SNTB1: variants seen among roughly 807,000 people sequenced by gnomAD.
SNTB1 encodes beta-1-syntrophin.
A neutral mutation model predicts 48.9 loss-of-function variants in SNTB1; 36 were observed. The ratio of observed to expected loss-of-function variants is 0.74; its 90% confidence interval spans 0.56 to 0.97. The LOEUF (loss-of-function observed/expected upper bound fraction) is 0.97, where lower values mean the gene tolerates loss of function less well. SNTB1 is among the 50% of genes least tolerant of loss of function. The pLI, the probability that SNTB1 is intolerant of heterozygous loss-of-function variation, is 0.00. For synonymous variants in SNTB1, 299 were observed against 294.6 expected, an observed-to-expected ratio of 1.01 and a Z score of -0.15; for missense variants, 786 against 703.4, an observed-to-expected ratio of 1.12 and a Z score of -1.33.
At chr8:120,783,213 C>CA (rs778944060) in intron 1 of SNTB1, among the ~76,000 whole-genome samples, 8 of 152,144 alleles carry the variant, frequency 5.3e-5, no homozygotes, top group Non-Finnish European at 1.2e-4. Context: ...CACTACTTCT[C>CA]ACTCTCAGTT....
intron 2 of SNTB1, among the ~76,000 whole-genome samples, chr8:120,681,488 G>A (rs922653605): frequency 5.3e-5 from 8 of 152,178 alleles, no homozygotes; most frequent in Non-Finnish European, 1.0e-4. Context: ...CATGGGCTCA[G>A]AACCTCCAGA....
At chr8:120,739,139 A>T (rs1398348294) in intron 1 of SNTB1, among the ~76,000 whole-genome samples, 1 of 152,228 alleles carries the variant, frequency 6.6e-6, no homozygotes, top group Non-Finnish European at 1.5e-5. Flanking sequence ...TAGTAATTTC[A>T]AGAGAAAACA....
chr8:120,604,000 T>C (rs1425512885), intron 3 of SNTB1, among the ~76,000 whole-genome samples: 1 of 152,098 alleles, frequency 6.6e-6, no homozygotes, highest in Non-Finnish European at 1.5e-5. Context: ...AATCCTGCTC[T>C]TCCAGGGTTC....
In SNTB1 at chr8:120,770,157, G is replaced by A. The variant is rs549829415; in HGVS notation, c.571+41116C>T. 3.8e-4 allele frequency among the ~76,000 whole-genome samples: 58 copies of A among 152,288 alleles called. No individual in the cohort carries two copies. In the South Asian group the frequency reaches 0.012, roughly 32 times the overall value. ...TATGCTGATAGCTACTTCAACATCT[G>A]ACTCCACAGTAGTCATGACTGTGAT... On this transcript the variant is annotated intron_variant, in intron 1 of 6. Transcript: ENST00000517992.
At chr8:120,752,166 G>T (rs564188881) in intron 1 of SNTB1, among the ~76,000 whole-genome samples, 1 of 152,172 alleles carries the variant, frequency 6.6e-6, no homozygotes, top group East Asian at 1.9e-4. Context: ...GGTTCATTAG[G>T]CCAAAAGGGA....
At chr8:120,738,250 TTTG>T (rs1243560167) in intron 1 of SNTB1, among the ~76,000 whole-genome samples, 16 of 152,148 alleles carry the variant, frequency 1.1e-4, no homozygotes, top group African/African-American at 3.9e-4. Flanking sequence ...GAAACAAATT[TTTG>T]TTGTATATAA....
intron 2 of SNTB1, among the ~76,000 whole-genome samples, chr8:120,640,804 A>G (rs1434826349): frequency 6.6e-6 from 1 of 152,150 alleles, no homozygotes; most frequent in Non-Finnish European, 1.5e-5. Context: ...GGATTTTTGC[A>G]TCATTGTTCA....
chr8:120,538,584 TG>T lies in SNTB1; in HGVS notation c.*292del. ...CATGCTGTTCTAATGGTCATGTCCT[TG>T]GTTGTCATTATTTCAAAGCTATGCT... is the stretch of plus-strand genomic sequence containing the variant. On this transcript the variant is annotated 3_prime_UTR_variant, in exon 7 of 7. Coordinates refer to ENST00000517992, the MANE Select transcript of SNTB1 (RefSeq NM_021021.4). 2 of 488,950 alleles carry T rather than the reference TG, an allele frequency of 4.1e-6. No individual in the cohort carries two copies. The highest frequency in any genetic ancestry group is 8.1e-6 in the Non-Finnish European group (2 of 247,646). The allele number at this position is 488,950 out of a possible 1,614,324, so 30.3% of individuals were successfully genotyped here. A position where few individuals can be genotyped will look rare whatever the true frequency, so the allele number is the denominator to read the frequency against.
chr8:120,703,437 T>C (rs1374744929), intron 1 of SNTB1, among the ~76,000 whole-genome samples: 1 of 152,148 alleles, frequency 6.6e-6, no homozygotes, highest in Non-Finnish European at 1.5e-5. Flanking sequence ...TTTCTCAGAG[T>C]TGTTCTCTAG....
intron 3 of SNTB1, among the ~76,000 whole-genome samples, chr8:120,606,133 A>T (rs1816512426): frequency 6.7e-6 from 1 of 150,130 alleles, no homozygotes; most frequent in African/African-American, 2.4e-5. Context: ...ATCTTAAAGT[A>T]ATAGCTATTA....
intron 2 of SNTB1, among the ~76,000 whole-genome samples, chr8:120,667,703 T>C (rs946467079): frequency 6.6e-6 from 1 of 152,160 alleles, no homozygotes; most frequent in Non-Finnish European, 1.5e-5. Context: ...TTTTACCTTA[T>C]TGAAGGTTGG....
chr8:120,719,345 A>G (rs1818615367), intron 1 of SNTB1, among the ~76,000 whole-genome samples: 1 of 152,086 alleles, frequency 6.6e-6, no homozygotes, highest in African/African-American at 2.4e-5. Flanking sequence ...CTGCCCTAAA[A>G]CATTGGACTT....
At chr8:120,729,972 G>A (rs79816235) in intron 1 of SNTB1, among the ~76,000 whole-genome samples, 5 of 152,050 alleles carry the variant, frequency 3.3e-5, no homozygotes, top group African/African-American at 1.2e-4. Flanking sequence ...CAAACACAGA[G>A]CCTGCGAAAG....
At chr8:120,770,005 C>T (rs1441712353) in intron 1 of SNTB1, among the ~76,000 whole-genome samples, 1 of 152,194 alleles carries the variant, frequency 6.6e-6, no homozygotes, top group African/African-American at 2.4e-5. Context: ...GTTCTCTCTG[C>T]TACACGTAGT....
chr8:120,777,056 A>G (rs1238831324), intron 1 of SNTB1, among the ~76,000 whole-genome samples: 1 of 152,210 alleles, frequency 6.6e-6, no homozygotes, highest in Non-Finnish European at 1.5e-5. Flanking sequence ...ATACATTTCT[A>G]CCACTAGATT....
intron 3 of SNTB1, among the ~76,000 whole-genome samples, chr8:120,612,787 T>C (rs1335525472): frequency 1.3e-5 from 2 of 152,242 alleles, no homozygotes; most frequent in East Asian, 3.8e-4. Context: ...AGAATAATTA[T>C]ACATATTTGT....
At chr8:120,621,083 C>T (rs1816787298) in intron 3 of SNTB1, among the ~76,000 whole-genome samples, 1 of 152,136 alleles carries the variant, frequency 6.6e-6, no homozygotes, top group African/African-American at 2.4e-5. Context: ...CCTCAGCCTC[C>T]CAAGTAGCTG....
At chr8:120,590,672 TTTCTTTTCTTTTC>T (rs1816224757) in intron 3 of SNTB1, among the ~76,000 whole-genome samples, 12 of 139,414 alleles carry the variant, frequency 8.6e-5, no homozygotes, top group African/African-American at 3.6e-4. Context: ...TTTCTTTTGT[TTTCTTTTCTTTTC>T]TTTTTTTTTT....
Position 120,755,163 on chromosome 8 carries a change from TGTGTGTGTGA to T in SNTB1, c.571+56100_571+56109del, listed in dbSNP as rs777326855. Among the ~76,000 whole-genome samples, 1,119 of 130,576 alleles carry T rather than the reference TGTGTGTGTGA, an allele frequency of 8.6e-3. 8 individuals are homozygous for T. The highest frequency in any genetic ancestry group is 0.015 in the Admixed American group (190 of 12,916). 85.7% of individuals were successfully genotyped at this position (130,576 alleles called of 152,430 possible). ...GGTGTTGTGTGTGTGTGTGTGTGTG[TGTGTGTGTGA>T]GAGAGAGAGAGAGAGCGAGAGAGAG... On this transcript the variant is annotated intron_variant, in intron 1 of 6. Transcript: ENST00000517992.
Sources: allele counts gnomAD v4.1 joint callset (sites outside exome capture counted in the v4.1 genomes callset), GRCh38; gene constraint gnomAD v4.1.1; transcripts MANE v1.5; gene names NCBI Gene and HGNC (gene_info 2026-07-23, HGNC 2026-07-21).